PSMD8: variants seen among roughly 807,000 people sequenced by gnomAD.
PSMD8 encodes the protein proteasome 26S subunit, non-ATPase 8.
PSMD8 carries 30 observed loss-of-function variants against 40.0 expected under a neutral mutation model. The observed-to-expected ratio is 0.75, with a 90% CI of 0.56 to 1.02. PSMD8 has a LOEUF of 1.02. PSMD8 is among the 50% of genes least tolerant of loss of function. The pLI, the probability that PSMD8 is intolerant of heterozygous loss-of-function variation, is 0.00. For missense variants in PSMD8, 461 were observed against 463.9 expected, an observed-to-expected ratio of 0.99 and a Z score of 0.06; for synonymous variants, 208 against 192.5, an observed-to-expected ratio of 1.08 and a Z score of -0.67.
In PSMD8 at chr19:38,380,723, T is replaced by TGTGTGTGCGCGCGCGCGTGCGCGC. The variant is rs1555743511; in HGVS notation, c.703-166_703-165insGCGCGCGTGCGCGCGTGTGTGCGC. On this transcript the variant is annotated intron_variant, in intron 4 of 6. Coordinates refer to ENST00000215071, the MANE Select transcript of PSMD8 (RefSeq NM_002812.5). Reference sequence around the variant, plus strand: ...GAGAGAGAGAGTGTGTGTGTGTGTGTGTGTGTGCGCATAAACCAGCAAGGG... The same window carrying TGTGTGTGCGCGCGCGCGTGCGCGC: ...GAGAGAGAGAGTGTGTGTGTGTGTGTGTGTGTGCGCGCGCGCGTGCGCGCGTGTGTGCGCATAAACCAGCAAGGG... 7.5e-4 allele frequency among the ~76,000 whole-genome samples: 108 copies of TGTGTGTGCGCGCGCGCGTGCGCGC among 144,000 alleles called. 1 individual carries two copies. In the East Asian group the frequency reaches 0.013, roughly 17 times the overall value. 94.5% of individuals were successfully genotyped at this position (144,000 alleles called of 152,430 possible).
chr19:38,377,155 C>T (rs1290875615), intron 3 of PSMD8, among the ~76,000 whole-genome samples: 1 of 152,252 alleles, frequency 6.6e-6, no homozygotes, highest in Non-Finnish European at 1.5e-5. Context: ...TTACCTCTCT[C>T]AGTTTCCCTG....
rs887300708 is a variant in PSMD8 at position 38,381,991 on chromosome 19, C to A, written c.804-126C>A. 9.0e-6 allele frequency: 6 copies of A among 667,142 alleles called. No individual in the cohort carries two copies. The African/African-American group carries it at 9.0e-5, about 10-fold the overall frequency. 41.3% of individuals were successfully genotyped at this position (667,142 alleles called of 1,614,324 possible). A position where few individuals can be genotyped will look rare whatever the true frequency, so the allele number is the denominator to read the frequency against. ...CTGAGCCTTGATGAATAAAACAGGG[C>A]CCTTCACATATTCCTGCCATCAGTG... On this transcript the variant is annotated intron_variant, in intron 5 of 6. Transcript: ENST00000215071.
chr19:38,379,451 G>A lies in PSMD8; in HGVS notation c.702+46G>A, dbSNP rs1211077035. ...GGAGGACCTGGCCAAAGTGGGTGGT[G>A]CAGGGGTGGTCTTAGGAGGGCTTTC... On this transcript the variant is annotated intron_variant, in intron 4 of 6. Coordinates refer to ENST00000215071, the MANE Select transcript of PSMD8 (RefSeq NM_002812.5). The A allele has an allele frequency of 1.9e-6, 3 of 1,600,504 alleles. No homozygotes were observed. The East Asian group carries it at 6.7e-5, about 36-fold the overall frequency.
intron 2 of PSMD8, 59 bp downstream of exon 2, chr19:38,376,291 G>A: frequency 6.5e-7 from 1 of 1,536,628 alleles, no homozygotes; most frequent in Non-Finnish European, 8.8e-7. Context: ...AGGAATGGTA[G>A]CACTGGTGGT....
Position 38,382,194 on chromosome 19 carries a change from A to G in PSMD8, c.881A>G (p.Asn294Ser). 6.3e-7 allele frequency: 1 copy of G among 1,596,772 alleles called. No individual in the cohort carries two copies. The highest frequency in any genetic ancestry group is 8.5e-7 in the Non-Finnish European group (1 of 1,172,070). The change falls in exon 6 of 7, where the codon AAC becomes AGC. Residue 294 changes from asparagine (N) to serine (S), a missense_variant. This residue lies in a region of PSMD8 where 236 missense variants were observed against 321.2 expected (regional missense o/e 0.73). Coordinates refer to ENST00000215071, the MANE Select transcript of PSMD8 (RefSeq NM_002812.5). The part of the protein sequence containing the change: ...FTEATRILFF[N>S]TPKKMTDYAK... ...GAGGCCACCCGGATCCTCTTCTTCA[A>G]CACACCCAAAAAGATGACAGACTAC...
In PSMD8 at chr19:38,383,421, G is replaced by A. The variant is rs755525747; in HGVS notation, c.*31G>A. ...CCGGGCACTGGGTGGGGCAGGGCAC[G>A]AGTTATTTAAAACAGTTACACTGCA... On this transcript the variant is annotated 3_prime_UTR_variant, in exon 7 of 7. Coordinates refer to ENST00000215071, the MANE Select transcript of PSMD8 (RefSeq NM_002812.5). 2.5e-5 allele frequency: 40 copies of A among 1,613,408 alleles called. No homozygotes were observed. Among genetic ancestry groups the A allele is most frequent in the South Asian group, 6.6e-5 (6 of 91,038 alleles).
intron 4 of PSMD8, among the ~76,000 whole-genome samples, chr19:38,379,685 C>A (rs1970624274): frequency 6.6e-6 from 1 of 152,060 alleles, no homozygotes; most frequent in South Asian, 2.1e-4. Flanking sequence ...GTGGCCTGCG[C>A]AGTCTGTCAG....
chr19:38,382,565 T>A (rs954994395), intron 6 of PSMD8: 1 of 521,478 alleles, frequency 1.9e-6, no homozygotes, highest in Non-Finnish European at 3.4e-6. Flanking sequence ...ACGCTTGGTG[T>A]TGCAGGAGGA....
chr19:38,376,499 A>G (rs1473277522), intron 3 of PSMD8, 45 bp downstream of exon 3: 2 of 1,467,836 alleles, frequency 1.4e-6, no homozygotes, highest in Admixed American at 3.9e-5. Context: ...GTTGCATGGA[A>G]GCTCCTTTAT....
chr19:38,381,320 A>G (rs1970638890), intron 5 of PSMD8: 1 of 221,090 alleles, frequency 4.5e-6, no homozygotes, highest in African/African-American at 2.3e-5. Context: ...CCAGTGAGTC[A>G]TGAGACTTCA....
Position 38,382,443 on chromosome 19 carries a change from G to T in PSMD8, c.915+215G>T, listed in dbSNP as rs1970649298. On this transcript the variant is annotated intron_variant, in intron 6 of 6. Transcript: ENST00000215071. ...TGAGCTTAGTACCTGGCAGCAGCTGGAGGTGGGCGCTGCACGCATGTTGGC... is the reference window on the plus strand; with the variant it reads ...TGAGCTTAGTACCTGGCAGCAGCTGTAGGTGGGCGCTGCACGCATGTTGGC... The T allele has an allele frequency of 5.0e-6, 3 of 594,120 alleles. No homozygotes were observed. In the East Asian group the frequency reaches 8.4e-5, roughly 17 times the overall value. The allele number at this position is 594,120 out of a possible 1,614,324, so 36.8% of individuals were successfully genotyped here.
chr19:38,377,022 T>C (rs1970603581), intron 3 of PSMD8, among the ~76,000 whole-genome samples: 1 of 152,228 alleles, frequency 6.6e-6, no homozygotes, highest in Admixed American at 6.5e-5. Context: ...ACTCACTGGA[T>C]ATGTGTTGAA....
intron 4 of PSMD8, among the ~76,000 whole-genome samples, 176 bp from the exon 5 acceptor site, chr19:38,380,723 T>TGTGTGCGTGCGCGTGCGCGC (rs1555743512): frequency 6.9e-6 from 1 of 143,896 alleles, no homozygotes; most frequent in African/African-American, 2.5e-5. Flanking sequence ...TGTGTGTGTG[T>TGTGTGCGTGCGCGTGCGCGC]GTGTGTGCGC....
intron 3 of PSMD8, among the ~76,000 whole-genome samples, chr19:38,377,648 C>T (rs1970608680): frequency 6.6e-6 from 1 of 152,028 alleles, no homozygotes; most frequent in African/African-American, 2.4e-5. Flanking sequence ...AGGCATGCGC[C>T]ACCACGCCCT....
chr19:38,377,449 C>T lies in PSMD8; in HGVS notation c.536+995C>T, dbSNP rs577982644. Among the ~76,000 whole-genome samples, 4 of 151,878 alleles carry T rather than the reference C, an allele frequency of 2.6e-5. No homozygotes were observed. In the South Asian group the frequency reaches 8.3e-4, roughly 32 times the overall value. On this transcript the variant is annotated intron_variant, in intron 3 of 6. Transcript: ENST00000215071. ...ACAAGTGATCCTCCTGCCTTGGGCT[C>T]CCAGAGTGTTGGGATTACAGGTGTT...
intron 1 of PSMD8, 34 bp from the exon 2 acceptor site, chr19:38,376,126 C>A (rs770907684): frequency 1.3e-6 from 2 of 1,542,774 alleles, no homozygotes; most frequent in Middle Eastern, 1.7e-4. Flanking sequence ...GAATTCCCTT[C>A]TTTTCTTTCT....
intron 4 of PSMD8, among the ~76,000 whole-genome samples, chr19:38,379,698 G>T (rs1970624354): frequency 6.6e-6 from 1 of 152,184 alleles, no homozygotes; most frequent in South Asian, 2.1e-4. Flanking sequence ...TCTGTCAGAT[G>T]CTGAGTGCTG....
chr19:38,379,437 C>G, intron 4 of PSMD8, 32 bp downstream of exon 4: 1 of 1,610,708 alleles, frequency 6.2e-7, no homozygotes, highest in South Asian at 1.1e-5. Flanking sequence ...GAGGACCTGG[C>G]CAAAGTGGGT....
At chr19:38,377,878 G>C (rs1970610175) in intron 3 of PSMD8, among the ~76,000 whole-genome samples, 1 of 152,192 alleles carries the variant, frequency 6.6e-6, no homozygotes, top group South Asian at 2.1e-4. Flanking sequence ...GACCTCAGGT[G>C]ATCCACCCGC....
Sources: gnomAD v4.1 joint callset for allele counts (sites outside exome capture counted in the v4.1 genomes callset) on GRCh38, gnomAD v4.1.1 for gene constraint, gnomAD v4.1.1 regional missense constraint, MANE v1.5 for transcripts, NCBI Gene and HGNC (gene_info 2026-07-23, HGNC 2026-07-21) for gene names.